NFIB: variants seen among roughly 807,000 people sequenced by gnomAD.
NFIB encodes the protein nuclear factor 1 B-type.
A neutral mutation model predicts 61.5 loss-of-function variants in NFIB; 11 were observed. The observed-to-expected ratio is 0.18, with a 90% confidence interval of 0.11 to 0.30. NFIB has a LOEUF of 0.30. Among genes scored for constraint, NFIB ranks in the 10% least tolerant of loss-of-function variants. The probability of loss-of-function intolerance (pLI) is 1.00; values close to 1 mark genes in which losing one functional copy is unlikely to be tolerated. For synonymous variants in NFIB, 260 were observed against 216.5 expected (o/e 1.20, Z -1.76); for missense variants, 471 against 608.9 (o/e 0.77, Z 2.38).
At chr9:14,229,019 G>T (rs1405275431) in intron 2 of NFIB, among the ~76,000 whole-genome samples, 2 of 148,254 alleles carry the variant, frequency 1.3e-5, no homozygotes. Flanking sequence ...CTTTGGGCAG[G>T]TTTACAGGGA....
chr9:14,123,881 C>A (rs1445483789), intron 7 of NFIB, among the ~76,000 whole-genome samples: 2 of 152,020 alleles, frequency 1.3e-5, no homozygotes, highest in African/African-American at 4.8e-5. Flanking sequence ...CCCTCTGCCT[C>A]CCAGGTTGCC....
chr9:14,383,466 A>C (rs1202449787), intron 1 of NFIB, among the ~76,000 whole-genome samples: 1 of 152,146 alleles, frequency 6.6e-6, no homozygotes, highest in Non-Finnish European at 1.5e-5. Context: ...CGGTGCTAAG[A>C]ATCTGGGAAA....
intron 1 of NFIB, chr9:14,362,966 T>G (rs1363068381): frequency 6.6e-6 from 1 of 152,134 alleles, no homozygotes; most frequent in African/African-American, 2.4e-5. Context: ...AAGAAGCTAA[T>G]GAAGCTTAGC....
At chr9:14,286,909 G>T (rs1322482642) in intron 2 of NFIB, among the ~76,000 whole-genome samples, 3 of 152,088 alleles carry the variant, frequency 2.0e-5, no homozygotes, top group Non-Finnish European at 2.9e-5. Flanking sequence ...AATCAACACT[G>T]AACTAAAGAA....
chr9:14,200,929 C>T (rs2131626086), intron 2 of NFIB, among the ~76,000 whole-genome samples: 1 of 152,302 alleles, frequency 6.6e-6, no homozygotes, highest in East Asian at 1.9e-4. Context: ...TGCCTCCCCG[C>T]AACCAATCCA....
the NFIB span, among the ~76,000 whole-genome samples, chr9:14,423,849 T>C: frequency 6.6e-6 from 1 of 152,192 alleles, no homozygotes; most frequent in African/African-American, 2.4e-5. Context: ...TCTTACACCA[T>C]ATGTATTTTT....
chr9:14,480,027 G>GAT, the NFIB span, among the ~76,000 whole-genome samples: 1 of 150,062 alleles, frequency 6.7e-6, no homozygotes, highest in Non-Finnish European at 1.5e-5. Context: ...GAGACAGAAA[G>GAT]GTTTTTTTTT....
intron 1 of NFIB, among the ~76,000 whole-genome samples, chr9:14,372,825 G>T (rs1352268233): frequency 6.6e-6 from 1 of 152,176 alleles, no homozygotes; most frequent in Non-Finnish European, 1.5e-5. Flanking sequence ...CCTGTGAACT[G>T]AACCTCTAAC....
chr9:14,219,013 T>C (rs2051300472), intron 2 of NFIB, among the ~76,000 whole-genome samples: 1 of 152,174 alleles, frequency 6.6e-6, no homozygotes. Context: ...AGTTGCCTCA[T>C]TCTCCTGCTG....
intron 2 of NFIB, among the ~76,000 whole-genome samples, chr9:14,296,772 T>C (rs2059470092): frequency 1.3e-5 from 2 of 152,224 alleles, no homozygotes; most frequent in Non-Finnish European, 2.9e-5. Context: ...GTTATTTTGT[T>C]ATAGTAGCCT....
At chr9:14,360,413 T>A (rs2061224843) in intron 1 of NFIB, among the ~76,000 whole-genome samples, 1 of 152,238 alleles carries the variant, frequency 6.6e-6, no homozygotes, top group Admixed American at 6.5e-5. Flanking sequence ...AGAATTTGGT[T>A]AATGCACAAT....
At chr9:14,529,924 A>G in the NFIB span, among the ~76,000 whole-genome samples, 1 of 152,242 alleles carries the variant, frequency 6.6e-6, no homozygotes, top group African/African-American at 2.4e-5. Context: ...GCAAATCTTT[A>G]GTAATAATAT....
intron 2 of NFIB, among the ~76,000 whole-genome samples, chr9:14,187,365 T>A (rs1350606695): frequency 1.3e-5 from 2 of 152,186 alleles, no homozygotes; most frequent in Admixed American, 6.5e-5. Flanking sequence ...GGAGATGCAG[T>A]TTCCTGCATA....
the NFIB span, among the ~76,000 whole-genome samples, chr9:14,453,426 G>A: frequency 6.6e-6 from 1 of 152,154 alleles, no homozygotes; most frequent in African/African-American, 2.4e-5. Context: ...ATCCTAATAG[G>A]TTTTTAGCTT....
chr9:14,342,505 A>G (rs765779899), intron 1 of NFIB, among the ~76,000 whole-genome samples: 6 of 152,082 alleles, frequency 3.9e-5, no homozygotes, highest in Admixed American at 1.3e-4. Context: ...AGAAGAGAAA[A>G]AAGAAATAGG....
intron 2 of NFIB, among the ~76,000 whole-genome samples, chr9:14,236,172 G>T (rs112728467): frequency 1.3e-5 from 2 of 152,096 alleles, no homozygotes; most frequent in African/African-American, 4.8e-5. Context: ...ATATGGAACT[G>T]CCCACTAATA....
At chr9:14,226,912 G>A (rs2052496952) in intron 2 of NFIB, among the ~76,000 whole-genome samples, 2 of 152,056 alleles carry the variant, frequency 1.3e-5, no homozygotes, top group African/African-American at 2.4e-5. Flanking sequence ...CACCAAGGTG[G>A]GTGGATCACC....
the NFIB span, among the ~76,000 whole-genome samples, chr9:14,509,766 A>G: frequency 6.6e-6 from 1 of 152,234 alleles, no homozygotes; most frequent in African/African-American, 2.4e-5. Flanking sequence ...CAGAGAGCTG[A>G]AGGACCCAGC....
intron 2 of NFIB, among the ~76,000 whole-genome samples, chr9:14,192,966 A>T (rs1406022609): frequency 1.3e-5 from 2 of 151,980 alleles, no homozygotes; most frequent in Non-Finnish European, 2.9e-5. Context: ...TATTAGACAA[A>T]TATAATAACT....
Sources: allele counts gnomAD v4.1 joint callset (sites outside exome capture counted in the v4.1 genomes callset), GRCh38; gene constraint gnomAD v4.1.1; transcripts MANE v1.5; gene names NCBI Gene and HGNC (gene_info 2026-07-23, HGNC 2026-07-21).